Variants in HDAC9 observed in about 807,000 individuals in gnomAD.
HDAC9 encodes MEF-2 interacting transcription repressor (MITR) protein.
Under a neutral mutation model 139.4 loss-of-function variants are expected in HDAC9, and 41 were observed. The observed-to-expected ratio is 0.29, with a 90% confidence interval of 0.23 to 0.38. HDAC9 has a LOEUF of 0.38. Among genes scored for constraint, HDAC9 ranks in the 10% least tolerant of loss-of-function variants. The pLI is 1.00. For synonymous variants in HDAC9, 517 were observed against 476.2 expected, an observed-to-expected ratio of 1.09 and a Z score of -1.12; for missense variants, 1,147 against 1,297.0, an observed-to-expected ratio of 0.88 and a Z score of 1.78.
At chr7:18,870,499 A>T (rs1249304222) in intron 21 of HDAC9, among the ~76,000 whole-genome samples, 1 of 152,140 alleles carries the variant, frequency 6.6e-6, no homozygotes, top group Non-Finnish European at 1.5e-5. Flanking sequence ...ATTGATGCTG[A>T]TATGTCCAAT....
intron 2 of HDAC9, among the ~76,000 whole-genome samples, chr7:18,191,746 G>A (rs1418108766): frequency 6.6e-6 from 1 of 152,152 alleles, no homozygotes; most frequent in East Asian, 1.9e-4. Context: ...GAATTGAAAT[G>A]TTTTGAAAAC....
chr7:18,424,504 G>T (rs1789931132), intron 1 of HDAC9, among the ~76,000 whole-genome samples: 1 of 152,172 alleles, frequency 6.6e-6, no homozygotes, highest in Non-Finnish European at 1.5e-5. Context: ...ACAGTGCTCA[G>T]AAGTGGAAGT....
At chr7:18,259,928 TACTTC>T (rs1795537831) in intron 2 of HDAC9, among the ~76,000 whole-genome samples, 1 of 152,218 alleles carries the variant, frequency 6.6e-6, no homozygotes, top group African/African-American at 2.4e-5. Context: ...ATGTACTTCA[TACTTC>T]AGTTGGCATT....
chr7:18,312,055 CA>C (rs1243436257), intron 1 of HDAC9, among the ~76,000 whole-genome samples: 1 of 152,214 alleles, frequency 6.6e-6, no homozygotes, highest in Non-Finnish European at 1.5e-5. Flanking sequence ...GAGGAGAGGA[CA>C]AAGTGATTGT....
chr7:18,298,669 C>T (rs1173282260), intron 1 of HDAC9, among the ~76,000 whole-genome samples: 2 of 152,080 alleles, frequency 1.3e-5, no homozygotes, highest in Non-Finnish European at 2.9e-5. Flanking sequence ...AGTCAATGAA[C>T]TTTCTTTGTT....
At chr7:18,834,400 G>T (rs1796075247) in intron 19 of HDAC9, among the ~76,000 whole-genome samples, 1 of 151,028 alleles carries the variant, frequency 6.6e-6, no homozygotes, top group Non-Finnish European at 1.5e-5. Flanking sequence ...TACACTTGAG[G>T]TCTTTCAGTG....
intron 1 of HDAC9, among the ~76,000 whole-genome samples, chr7:18,338,239 G>GGCAATGTT (rs1781728450): frequency 6.6e-6 from 1 of 151,654 alleles, no homozygotes; most frequent in African/African-American, 2.4e-5. Flanking sequence ...TCACCATGTT[G>GGCAATGTT]GCAATGTTGC....
intron 1 of HDAC9, among the ~76,000 whole-genome samples, chr7:18,315,495 A>G (rs147726249): frequency 7.2e-5 from 11 of 152,312 alleles, no homozygotes; most frequent in Non-Finnish European, 1.2e-4. Flanking sequence ...ATTTCACTGC[A>G]TATTAGTTAA....
intron 25 of HDAC9, 60 bp from the exon 26 acceptor site, chr7:18,995,963 A>G: frequency 7.6e-7 from 1 of 1,318,884 alleles, no homozygotes; most frequent in Non-Finnish European, 1.1e-6. Flanking sequence ...TATGCATGAA[A>G]ATCTACAATG....
At chr7:18,280,838 T>TA (rs2128219793) in intron 2 of HDAC9, among the ~76,000 whole-genome samples, 1 of 152,270 alleles carries the variant, frequency 6.6e-6, no homozygotes, top group Non-Finnish European at 1.5e-5. Context: ...CTAATATTGT[T>TA]ATGACTTCTT....
At chr7:18,332,511 A>T (rs971727534) in intron 1 of HDAC9, among the ~76,000 whole-genome samples, 13 of 151,418 alleles carry the variant, frequency 8.6e-5, no homozygotes, top group African/African-American at 3.1e-4. Flanking sequence ...CTTAAAATTG[A>T]GTATATTCCG....
Position 18,762,180 on chromosome 7 carries a change from C to A in HDAC9, c.2067C>A (p.Ser689Arg). The change falls in exon 15 of 26, where the codon AGC becomes AGA. Residue 689 changes from serine (S) to arginine (R), a missense_variant. Physicochemically the swap from Ser to Arg is moderately radical, Grantham distance 110. Around this residue, in one of 7 missense-constraint regions of HDAC9, gnomAD observed 407 missense variants for 521.5 expected, o/e 0.78. Transcript: ENST00000686413. Reference sequence around the variant, plus strand: ...AGCGAATTCAAGGTCGAAAAGCCAGCCTGGAGGAAATACAGCTTGTTCATT... The same window carrying A: ...AGCGAATTCAAGGTCGAAAAGCCAGACTGGAGGAAATACAGCTTGTTCATT... ...KCERIQGRKA[S>R]LEEIQLVHSE... 6.2e-7 allele frequency: 1 copy of A among 1,613,528 alleles called. No individual in the cohort carries two copies. Among genetic ancestry groups the A allele is most frequent in the Non-Finnish European group, 8.5e-7 (1 of 1,179,652 alleles).
chr7:18,394,769 C>T (rs1415052027), intron 1 of HDAC9, among the ~76,000 whole-genome samples: 1 of 152,108 alleles, frequency 6.6e-6, no homozygotes, highest in Non-Finnish European at 1.5e-5. Context: ...AAGGCTATTG[C>T]TTTCAAGATG....
At chr7:18,834,948 G>C (rs567341052) in intron 19 of HDAC9, among the ~76,000 whole-genome samples, 2 of 152,204 alleles carry the variant, frequency 1.3e-5, no homozygotes, top group East Asian at 3.8e-4. Flanking sequence ...AAAATGCTCT[G>C]TAAGCCATAG....
intron 16 of HDAC9, among the ~76,000 whole-genome samples, chr7:18,775,895 C>T (rs550222508): frequency 6.6e-6 from 1 of 151,918 alleles, no homozygotes; most frequent in Non-Finnish European, 1.5e-5. Context: ...TACGAGATGG[C>T]CTTCTTGTCT....
chr7:18,481,577 C>A (rs891511677), intron 1 of HDAC9, among the ~76,000 whole-genome samples: 2 of 152,158 alleles, frequency 1.3e-5, no homozygotes, highest in Non-Finnish European at 2.9e-5. Flanking sequence ...CTTCAGTAGT[C>A]AGATTGTGTC....
intron 1 of HDAC9, among the ~76,000 whole-genome samples, chr7:18,099,698 A>G (rs979157574): frequency 3.9e-5 from 6 of 152,192 alleles, no homozygotes; most frequent in African/African-American, 1.4e-4. Flanking sequence ...AATAACGGCT[A>G]CAGTTTTAAT....
rs138968697 is a variant in HDAC9 at position 18,545,677 on chromosome 7, G to A, written c.23-39604G>A. Among the ~76,000 whole-genome samples the A allele has an allele frequency of 1.4e-3, 207 of 152,202 alleles. 1 individual carries two copies. Among genetic ancestry groups the A allele is most frequent in the African/African-American group, 4.6e-3 (193 of 41,524 alleles). On this transcript the variant is annotated intron_variant, in intron 2 of 25. Transcript: ENST00000686413. ...AGTGCCTGCTACAAGTGTGAGGTGC[G>A]AGAATGCCAAACAGATATCCATAAG...
chr7:18,142,115 A>T (rs1785942518), intron 1 of HDAC9, among the ~76,000 whole-genome samples: 1 of 152,064 alleles, frequency 6.6e-6, no homozygotes, highest in South Asian at 2.1e-4. Flanking sequence ...CTGTGTGTAG[A>T]TGAGTTATTT....
Sources: allele counts gnomAD v4.1 joint callset (sites outside exome capture counted in the v4.1 genomes callset), GRCh38; gene constraint gnomAD v4.1.1; regional missense constraint gnomAD v4.1.1; transcripts MANE v1.5; gene names NCBI Gene and HGNC (gene_info 2026-07-23, HGNC 2026-07-21).